Variants in MEI4 observed in about 807,000 individuals in gnomAD.
MEI4 encodes the protein meiotic double-stranded break formation protein 4.
MEI4 carries 27 observed loss-of-function variants against 31.4 expected under a neutral mutation model. The observed-to-expected ratio is 0.86, with a 90% CI of 0.63 to 1.19. MEI4 has a LOEUF of 1.19. MEI4 is among the 50% of genes most tolerant of loss of function. The pLI is 0.00. For synonymous variants in MEI4, 122 were observed against 145.4 expected, an observed-to-expected ratio of 0.84 and a Z score of 1.16; for missense variants, 329 against 398.9, an observed-to-expected ratio of 0.82 and a Z score of 1.49.
At chr6:77,843,170 C>T (rs1033013897) in intron 4 of MEI4, among the ~76,000 whole-genome samples, 1 of 151,410 alleles carries the variant, frequency 6.6e-6, no homozygotes, top group African/African-American at 2.4e-5. Context: ...AAGAAGCATT[C>T]TCTAAATTAT....
rs117808097 is a variant in MEI4 at position 77,906,637 on chromosome 6, G to A, written c.901-16452G>A. 9.0e-4 allele frequency among the ~76,000 whole-genome samples: 137 copies of A among 152,198 alleles called. 2 individuals carry two copies. The East Asian group carries it at 0.023, about 26-fold the overall frequency. On this transcript the variant is annotated intron_variant, in intron 4 of 4. Coordinates refer to ENST00000684080, the MANE Select transcript of MEI4 (RefSeq NM_001322247.2). ...TAAGTTTGCTAGCCCTTTTATATCC[G>A]TGGTGGCACTGGAGTCCGATGAGTT...
In MEI4 at chr6:77,739,577, G is replaced by C. The variant is rs1032404141; in HGVS notation, c.233-21553G>C. On this transcript the variant is annotated intron_variant, in intron 2 of 4. Coordinates refer to ENST00000684080, the MANE Select transcript of MEI4 (RefSeq NM_001322247.2). ...TCACACACTGGGCCTGTCAGGGGGT[G>C]GGGAGCAAGGGGAGGGACACCATTA... Among the ~76,000 whole-genome samples, 4 of 152,184 alleles carry C rather than the reference G, an allele frequency of 2.6e-5. No individual in the cohort carries two copies. The East Asian group carries it at 7.7e-4, about 29-fold the overall frequency.
intron 4 of MEI4, among the ~76,000 whole-genome samples, chr6:77,868,881 G>A (rs1771128982): frequency 6.6e-6 from 1 of 151,964 alleles, no homozygotes; most frequent in African/African-American, 2.4e-5. Flanking sequence ...GCACAGCCTG[G>A]TCACTGAAGT....
intron 3 of MEI4, among the ~76,000 whole-genome samples, chr6:77,762,097 C>G (rs1308848295): frequency 6.6e-6 from 1 of 152,102 alleles, no homozygotes; most frequent in Non-Finnish European, 1.5e-5. Flanking sequence ...TGAATTTGCT[C>G]TTTTTCTGGC....
intron 2 of MEI4, among the ~76,000 whole-genome samples, chr6:77,736,933 A>T (rs1767257805): frequency 6.6e-6 from 1 of 151,142 alleles, no homozygotes; most frequent in Non-Finnish European, 1.5e-5. Flanking sequence ...GTACTAGGCT[A>T]TTTCAAACAA....
intron 4 of MEI4, among the ~76,000 whole-genome samples, chr6:77,852,956 T>C (rs150716480): frequency 2.2e-3 from 336 of 152,254 alleles, no homozygotes; most frequent in African/African-American, 7.3e-3. Context: ...CCCAGCACTT[T>C]GGGAGGCCGA....
chr6:77,836,023 C>T (rs991475427), intron 4 of MEI4, among the ~76,000 whole-genome samples: 20 of 151,958 alleles, frequency 1.3e-4, no homozygotes, highest in African/African-American at 4.8e-4. Context: ...ACTTTCACTG[C>T]GTGTATACTT....
At chr6:77,790,896 G>T (rs996251327) in intron 3 of MEI4, among the ~76,000 whole-genome samples, 1 of 152,132 alleles carries the variant, frequency 6.6e-6, no homozygotes, top group Non-Finnish European at 1.5e-5. Flanking sequence ...CTTCTCAAAA[G>T]AAGACATTTA....
At chr6:77,839,948 A>G (rs974790796) in intron 4 of MEI4, among the ~76,000 whole-genome samples, 2 of 152,218 alleles carry the variant, frequency 1.3e-5, no homozygotes, top group Non-Finnish European at 2.9e-5. Context: ...AATCATCAGA[A>G]GTAATCCCTG....
At chr6:77,736,111 G>A (rs79887459) in intron 2 of MEI4, among the ~76,000 whole-genome samples, 1 of 152,104 alleles carries the variant, frequency 6.6e-6, no homozygotes, top group African/African-American at 2.4e-5. Flanking sequence ...GCCCCCAGAG[G>A]TGGAGCCTAC....
chr6:77,695,570 T>C (rs1479252203), intron 2 of MEI4, among the ~76,000 whole-genome samples: 1 of 152,238 alleles, frequency 6.6e-6, no homozygotes, highest in Non-Finnish European at 1.5e-5. Flanking sequence ...GATCAGATAG[T>C]TGTAGATATG....
chr6:77,906,895 C>T (rs1766307919), intron 4 of MEI4, among the ~76,000 whole-genome samples: 1 of 152,098 alleles, frequency 6.6e-6, no homozygotes, highest in South Asian at 2.1e-4. Context: ...ATGCTTAACC[C>T]AAAGCATGGG....
intron 2 of MEI4, among the ~76,000 whole-genome samples, chr6:77,750,432 C>G (rs1222308624): frequency 6.6e-6 from 1 of 152,132 alleles, no homozygotes; most frequent in Non-Finnish European, 1.5e-5. Context: ...GAATATTTAC[C>G]ACGCAAATGG....
chr6:77,801,849 A>G (rs1769270842), intron 3 of MEI4, among the ~76,000 whole-genome samples: 1 of 152,174 alleles, frequency 6.6e-6, no homozygotes, highest in South Asian at 2.1e-4. Context: ...ATAGTTTGTT[A>G]TAATTTCTGT....
intron 3 of MEI4, among the ~76,000 whole-genome samples, chr6:77,800,584 A>G (rs539598468): frequency 6.6e-6 from 1 of 152,316 alleles, no homozygotes; most frequent in African/African-American, 2.4e-5. Context: ...TTCAAAGGGA[A>G]TGCTTCCAGT....
At position 77,790,288 on chromosome 6, in the gene MEI4, A is replaced by T. The variant is rs577012426; in HGVS notation, c.768+28623A>T. ...GAGGGGGGAGGGATAGCATTAGGAG[A>T]TATATCTAATGTTAAATGACGAGTT... On this transcript the variant is annotated intron_variant, in intron 3 of 4. Transcript: ENST00000684080. 6.0e-5 allele frequency among the ~76,000 whole-genome samples: 9 copies of T among 150,784 alleles called. No individual in the cohort carries two copies. The South Asian group carries it at 1.9e-3, about 32-fold the overall frequency.
At chr6:77,808,407 C>T (rs1386499620) in intron 3 of MEI4, among the ~76,000 whole-genome samples, 1 of 152,008 alleles carries the variant, frequency 6.6e-6, no homozygotes, top group African/African-American at 2.4e-5. Flanking sequence ...ACTTTTGGCT[C>T]TAGAAGTGTG....
At chr6:77,736,232 A>T (rs1055745176) in intron 2 of MEI4, among the ~76,000 whole-genome samples, 1 of 151,202 alleles carries the variant, frequency 6.6e-6, no homozygotes, top group Non-Finnish European at 1.5e-5. Context: ...CCCTCCCCCA[A>T]CCTTGCTGCC....
At chr6:77,848,323 C>G (rs146788632) in intron 4 of MEI4, among the ~76,000 whole-genome samples, 2 of 152,178 alleles carry the variant, frequency 1.3e-5, no homozygotes, top group Non-Finnish European at 2.9e-5. Flanking sequence ...CCAGGCCAGC[C>G]ATTTCTTCAC....
Sources: gnomAD v4.1 joint callset for allele counts (sites outside exome capture counted in the v4.1 genomes callset) on GRCh38, gnomAD v4.1.1 for gene constraint, MANE v1.5 for transcripts, NCBI Gene and HGNC (gene_info 2026-07-23, HGNC 2026-07-21) for gene names.